DPH6: variants seen among roughly 807,000 people sequenced by gnomAD.
DPH6 encodes diphthine--ammonia ligase.
A neutral mutation model predicts 38.2 loss-of-function variants in DPH6; 33 were observed. The ratio of observed to expected loss-of-function variants is 0.86; its 90% CI spans 0.65 to 1.15. The LOEUF (loss-of-function observed/expected upper bound fraction) is 1.15, where lower values mean the gene tolerates loss of function less well. Among genes scored for constraint, DPH6 ranks in the 50% most tolerant of loss-of-function variants. The probability of loss-of-function intolerance (pLI) is 0.00; values close to 1 mark genes in which losing one functional copy is unlikely to be tolerated. For synonymous variants in DPH6, 108 were observed against 103.0 expected (o/e 1.05, Z -0.30); for missense variants, 325 against 320.0 (o/e 1.02, Z -0.12).
intron 3 of DPH6, among the ~76,000 whole-genome samples, chr15:35,358,977 A>G (rs2052591157): frequency 6.6e-6 from 1 of 151,894 alleles, no homozygotes; most frequent in South Asian, 2.1e-4. Context: ...TTCCGCTACC[A>G]GGTTGGGTAG....
At chr15:35,515,454 G>C (rs2054832248) in intron 3 of DPH6, among the ~76,000 whole-genome samples, 1 of 151,988 alleles carries the variant, frequency 6.6e-6, no homozygotes, top group Non-Finnish European at 1.5e-5. Context: ...GGGTGCGGTG[G>C]CTCACACCTG....
At chr15:35,417,430 G>T (rs1015436903) in intron 5 of DPH6, among the ~76,000 whole-genome samples, 1 of 151,900 alleles carries the variant, frequency 6.6e-6, no homozygotes, top group Non-Finnish European at 1.5e-5. Context: ...AGAATGGAAG[G>T]TCAGGGTCAT....
At chr15:35,254,739 G>C (rs948820495) in intron 3 of DPH6, among the ~76,000 whole-genome samples, 2 of 152,144 alleles carry the variant, frequency 1.3e-5, no homozygotes, top group African/African-American at 4.8e-5. Context: ...ATTTCACCTG[G>C]GTGCAGGTGG....
intron 3 of DPH6, among the ~76,000 whole-genome samples, chr15:35,353,766 C>T (rs1237858531): frequency 6.6e-6 from 1 of 152,146 alleles, no homozygotes; most frequent in Non-Finnish European, 1.5e-5. Context: ...GATGCAGGCT[C>T]TTTTTTGGTT....
In DPH6 at chr15:35,438,236, CAT is replaced by C. The variant is rs771077265; in HGVS notation, c.505+12447_505+12448del. 2.2e-4 allele frequency among the ~76,000 whole-genome samples: 34 copies of C among 151,874 alleles called. No homozygotes were observed. In the South Asian group the frequency reaches 2.9e-3, roughly 13 times the overall value. On this transcript the variant is annotated intron_variant, in intron 5 of 8. Coordinates refer to ENST00000256538, the MANE Select transcript of DPH6 (RefSeq NM_080650.4). Reference sequence around the variant, plus strand: ...TTTGTCTTGCCACCCTTAATACACACATGAGAGGCCCTAAGATCATTTCTTTT... The same window carrying C: ...TTTGTCTTGCCACCCTTAATACACACGAGAGGCCCTAAGATCATTTCTTTT...
intron 5 of DPH6, among the ~76,000 whole-genome samples, chr15:35,419,646 C>G (rs904476449): frequency 5.9e-5 from 9 of 151,982 alleles, no homozygotes; most frequent in Non-Finnish European, 1.3e-4. Context: ...GCAAAGATAG[C>G]TATACTAACC....
intron 1 of DPH6, among the ~76,000 whole-genome samples, chr15:35,544,461 C>T (rs561215128): frequency 1.3e-5 from 2 of 151,810 alleles, no homozygotes; most frequent in South Asian, 2.1e-4. Context: ...TGTAAAAAAA[C>T]TGCACGTTCT....
chr15:35,169,266 G>T, the DPH6 span, among the ~76,000 whole-genome samples: 2 of 152,114 alleles, frequency 1.3e-5, no homozygotes, highest in Admixed American at 6.6e-5. Context: ...GGTGTAAAGA[G>T]ATATGCTCTG....
the DPH6 span, among the ~76,000 whole-genome samples, chr15:35,161,154 A>G: frequency 1.3e-5 from 2 of 151,996 alleles, no homozygotes; most frequent in Non-Finnish European, 2.9e-5. Flanking sequence ...AATAAAAAAA[A>G]CACAAAACAA....
At chr15:35,298,965 T>G in intron 3 of DPH6, 1 of 771,034 alleles carries the variant, frequency 1.3e-6, no homozygotes, top group Non-Finnish European at 2.4e-6. Context: ...CTTCTCTCGC[T>G]CCTAATCTTC....
chr15:35,182,977 GACTACAACTCC>G, the DPH6 span, among the ~76,000 whole-genome samples: 1 of 152,124 alleles, frequency 6.6e-6, no homozygotes, highest in African/African-American at 2.4e-5. Flanking sequence ...GCAAAACAAA[GACTACAACTCC>G]TGGAGCTGTA....
chr15:35,509,032 T>C (rs1239035342), intron 3 of DPH6, among the ~76,000 whole-genome samples: 2 of 152,216 alleles, frequency 1.3e-5, no homozygotes, highest in Non-Finnish European at 2.9e-5. Context: ...GTTTGTTTCA[T>C]TTTTATGAAG....
chr15:35,322,339 G>A (rs1443343209), intron 3 of DPH6, among the ~76,000 whole-genome samples: 1 of 152,154 alleles, frequency 6.6e-6, no homozygotes, highest in African/African-American at 2.4e-5. Flanking sequence ...GGTTAGATTA[G>A]GGAGGGACTA....
At chr15:35,320,143 G>T (rs542287351) in intron 3 of DPH6, among the ~76,000 whole-genome samples, 72 of 150,962 alleles carry the variant, frequency 4.8e-4, no homozygotes, top group African/African-American at 1.7e-3. Flanking sequence ...TATATTATCT[G>T]CTTGAATGTC....
At chr15:35,428,521 A>G (rs2053595756) in intron 5 of DPH6, among the ~76,000 whole-genome samples, 1 of 152,132 alleles carries the variant, frequency 6.6e-6, no homozygotes, top group African/African-American at 2.4e-5. Context: ...AACAAGGGAC[A>G]TGCAGTAGAA....
In DPH6 at chr15:35,371,411, A is replaced by G. The variant is rs1032373865; in HGVS notation, c.*739T>C. On this transcript the variant is annotated 3_prime_UTR_variant, in exon 9 of 9. Coordinates refer to ENST00000256538, the MANE Select transcript of DPH6 (RefSeq NM_080650.4). ...TCAGTTGTAACAAATGTACCACTCT[A>G]TTATAAGACATTGACGGTAGGGGAG... 4.6e-6 allele frequency: 1 copy of G among 218,346 alleles called. No homozygotes were observed. The highest frequency in any genetic ancestry group is 7.8e-6 in the Non-Finnish European group (1 of 128,790). 13.5% of individuals were successfully genotyped at this position (218,346 alleles called of 1,614,324 possible).
At chr15:35,334,575 GC>G (rs1435923744) in intron 3 of DPH6, among the ~76,000 whole-genome samples, 1 of 151,840 alleles carries the variant, frequency 6.6e-6, no homozygotes, top group Non-Finnish European at 1.5e-5. Flanking sequence ...CCCCCAATAG[GC>G]CCCTGTGTGT....
chr15:35,237,527 A>C (rs1485607397), intron 3 of DPH6: 9 of 1,554,702 alleles, frequency 5.8e-6, no homozygotes, highest in Non-Finnish European at 8.0e-6. Flanking sequence ...CAAACTTAAG[A>C]AGCTTGAACT....
intron 4 of DPH6, among the ~76,000 whole-genome samples, chr15:35,454,249 T>A (rs140456887): frequency 2.8e-4 from 43 of 152,220 alleles, no homozygotes; most frequent in African/African-American, 9.1e-4. Flanking sequence ...GGGAGGAACA[T>A]CCTAAAAATT....
Sources: gnomAD v4.1 joint callset for allele counts (sites outside exome capture counted in the v4.1 genomes callset) on GRCh38, gnomAD v4.1.1 for gene constraint, MANE v1.5 for transcripts, NCBI Gene and HGNC (gene_info 2026-07-23, HGNC 2026-07-21) for gene names.